The following ESR1 variants were observed in gnomAD, a reference collection of about 807,000 sequenced individuals.
ESR1 encodes estrogen receptor.
In ESR1, 12 loss-of-function variants were observed where a neutral mutation model predicts 52.7. The observed-to-expected ratio is 0.23, with a 90% CI of 0.15 to 0.37. ESR1 has a LOEUF of 0.37. Ranked by LOEUF, ESR1 falls within the 10% of genes least tolerant of loss-of-function variation. The pLI, the probability that ESR1 is intolerant of heterozygous loss-of-function variation, is 1.00. For synonymous variants in ESR1, 305 were observed against 316.8 expected (o/e 0.96, Z 0.39); for missense variants, 584 against 779.7 (o/e 0.75, Z 2.99).
chr6:151,966,877 TCAGAAACC>T, intron 4 of ESR1, among the ~76,000 whole-genome samples: 1 of 152,182 alleles, frequency 6.6e-6, no homozygotes, highest in African/African-American at 2.4e-5. Flanking sequence ...ATTGCCTCCA[TCAGAAACC>T]CTTCTTTTGT....
intron 3 of ESR1, among the ~76,000 whole-genome samples, chr6:151,901,279 C>T (rs1222203281): frequency 6.6e-6 from 1 of 152,200 alleles, no homozygotes; most frequent in Non-Finnish European, 1.5e-5. Context: ...CAAAACCGGT[C>T]TCACTCCTGT....
chr6:151,792,314 T>C (rs1281302788), intron 2 of ESR1, among the ~76,000 whole-genome samples: 2 of 152,238 alleles, frequency 1.3e-5, no homozygotes, highest in Non-Finnish European at 2.9e-5. Context: ...TAGGGCATTA[T>C]TGTATGCTAC....
chr6:151,838,564 G>T (rs1426174754), intron 1 of ESR1, among the ~76,000 whole-genome samples: 2 of 152,198 alleles, frequency 1.3e-5, no homozygotes, highest in African/African-American at 4.8e-5. Flanking sequence ...TGATCTGATG[G>T]ATACTCAACG....
chr6:152,125,627 G>T, exon 7 of ESR1: 1 of 345,546 alleles, frequency 2.9e-6, no homozygotes. Context: ...CCTGTAGCTA[G>T]ATGAGTTATA....
intron 2 of ESR1, among the ~76,000 whole-genome samples, chr6:151,722,715 T>A (rs1010296831): frequency 6.6e-6 from 1 of 152,232 alleles, no homozygotes; most frequent in Non-Finnish European, 1.5e-5. Context: ...GGGAGGCAGA[T>A]GATCAGAACT....
At chr6:151,812,920 G>T (rs1486145676) in intron 1 of ESR1, among the ~76,000 whole-genome samples, 2 of 150,872 alleles carry the variant, frequency 1.3e-5, no homozygotes, top group African/African-American at 4.9e-5. Flanking sequence ...TTATTGAGGG[G>T]TTTTATATTT....
chr6:151,999,966 T>C (rs1445407369), intron 4 of ESR1, among the ~76,000 whole-genome samples: 1 of 152,096 alleles, frequency 6.6e-6, no homozygotes, highest in Non-Finnish European at 1.5e-5. Context: ...TTTCAACCTA[T>C]AAATTTTATA....
chr6:151,877,041 C>T (rs959617148), intron 2 of ESR1, among the ~76,000 whole-genome samples: 2 of 151,390 alleles, frequency 1.3e-5, no homozygotes, highest in African/African-American at 2.4e-5. Flanking sequence ...AGAAAATCAA[C>T]TCTACTTCAG....
At chr6:151,687,912 TG>T (rs1778752632), upstream of ESR1, among the ~76,000 whole-genome samples, 1 of 152,220 alleles carries the variant, frequency 6.6e-6, no homozygotes, top group Admixed American at 6.5e-5. Flanking sequence ...TCAGGTGTAA[TG>T]GCATGATACA....
At chr6:151,868,574 GT>G (rs1208774162) in intron 2 of ESR1, among the ~76,000 whole-genome samples, 1 of 150,764 alleles carries the variant, frequency 6.6e-6, no homozygotes, top group African/African-American at 2.4e-5. Flanking sequence ...TTGGTTTTCT[GT>G]TTCTATGTTA....
intron 6 of ESR1, among the ~76,000 whole-genome samples, chr6:152,093,771 G>T (rs2050392752): frequency 6.6e-6 from 1 of 152,170 alleles, no homozygotes; most frequent in African/African-American, 2.4e-5. Flanking sequence ...CTTCAAACTT[G>T]ATCTAAAACA....
chr6:151,762,792 C>T (rs189733909), intron 2 of ESR1, among the ~76,000 whole-genome samples: 4 of 152,086 alleles, frequency 2.6e-5, no homozygotes, highest in Admixed American at 6.5e-5. Context: ...GGCGAAACTC[C>T]GTCCCTACTA....
At chr6:152,042,177 C>T (rs112883925) in intron 5 of ESR1, among the ~76,000 whole-genome samples, 3,601 of 152,206 alleles carry the variant, frequency 0.024, 128 homozygotes, top group African/African-American at 0.079. Context: ...TTTGGCCTTT[C>T]CCACCATAAT....
chr6:152,010,850 C>T (rs1462472387), intron 4 of ESR1, among the ~76,000 whole-genome samples: 1 of 151,826 alleles, frequency 6.6e-6, no homozygotes, highest in Non-Finnish European at 1.5e-5. Flanking sequence ...AGTAAGGGCT[C>T]AACAAACCTT....
intron 2 of ESR1, among the ~76,000 whole-genome samples, chr6:151,792,626 G>A (rs1050525657): frequency 6.6e-6 from 1 of 151,864 alleles, no homozygotes; most frequent in Non-Finnish European, 1.5e-5. Context: ...TTTTTGTAGC[G>A]ACTGGGTTCT....
At chr6:151,817,217 GTATT>G (rs1219990402) in intron 1 of ESR1, among the ~76,000 whole-genome samples, 1 of 152,198 alleles carries the variant, frequency 6.6e-6, no homozygotes, top group Non-Finnish European at 1.5e-5. Flanking sequence ...GATCCAGGTT[GTATT>G]TCAGCAGTTC....
chr6:151,658,758 T>G (rs1299872158), intron 1 of ESR1, among the ~76,000 whole-genome samples: 1 of 152,208 alleles, frequency 6.6e-6, no homozygotes, highest in Non-Finnish European at 1.5e-5. Context: ...TCATCTCATT[T>G]AATCCCTCCA....
At chr6:151,941,201 C>T (rs1200703569) in intron 3 of ESR1, among the ~76,000 whole-genome samples, 1 of 152,118 alleles carries the variant, frequency 6.6e-6, no homozygotes, top group Non-Finnish European at 1.5e-5. Context: ...ACCTTCTAAC[C>T]ATTTCTTTTT....
chr6:151,868,121 GT>G (rs987544401), intron 2 of ESR1, among the ~76,000 whole-genome samples: 10 of 145,616 alleles, frequency 6.9e-5, no homozygotes, highest in African/African-American at 2.0e-4. Context: ...TGTTTTCTTT[GT>G]TTTTTTTTGT....
Sources: gnomAD v4.1 joint callset for allele counts (sites outside exome capture counted in the v4.1 genomes callset) on GRCh38, gnomAD v4.1.1 for gene constraint, MANE v1.5 for transcripts, NCBI Gene and HGNC (gene_info 2026-07-23, HGNC 2026-07-21) for gene names.